The following NRXN3 variants were observed in gnomAD, a reference collection of about 807,000 sequenced individuals.
NRXN3 encodes neurexin III.
Under a neutral mutation model 137.6 loss-of-function variants are expected in NRXN3, and 32 were observed. The observed-to-expected ratio is 0.23, with a 90% CI of 0.18 to 0.31. The LOEUF is 0.31. Among genes scored for constraint, NRXN3 ranks in the 10% least tolerant of loss-of-function variants. The probability of loss-of-function intolerance (pLI) is 1.00; values close to 1 mark genes in which losing one functional copy is unlikely to be tolerated. For missense variants in NRXN3, 1,574 were observed against 2,062.5 expected, an observed-to-expected ratio of 0.76 and a Z score of 4.59; for synonymous variants, 798 against 784.5, an observed-to-expected ratio of 1.02 and a Z score of -0.29.
chr14:78,949,255 C>A (rs923619963), intron 10 of NRXN3, among the ~76,000 whole-genome samples: 1 of 152,172 alleles, frequency 6.6e-6, no homozygotes, highest in African/African-American at 2.4e-5. Context: ...CCCCTCTACC[C>A]TCCATAAATT....
At chr14:79,184,056 A>G (rs2063242179) in intron 15 of NRXN3, among the ~76,000 whole-genome samples, 1 of 152,208 alleles carries the variant, frequency 6.6e-6, no homozygotes. Context: ...CTAGAGCTCT[A>G]ACAACCTACC....
chr14:78,635,134 A>G (rs1397922500), intron 4 of NRXN3, among the ~76,000 whole-genome samples: 1 of 152,202 alleles, frequency 6.6e-6, no homozygotes, highest in Non-Finnish European at 1.5e-5. Context: ...TTTACCAAAA[A>G]TATAATCTAA....
intron 15 of NRXN3, among the ~76,000 whole-genome samples, chr14:79,306,937 A>T (rs893355273): frequency 2.6e-5 from 4 of 152,084 alleles, no homozygotes; most frequent in Non-Finnish European, 4.4e-5. Context: ...AGATAGGGTG[A>T]ACCTTTTTTC....
chr14:78,292,358 A>G (rs183406218), intron 3 of NRXN3, among the ~76,000 whole-genome samples: 2 of 152,300 alleles, frequency 1.3e-5, no homozygotes, highest in East Asian at 1.9e-4. Flanking sequence ...TTCTAAGGCA[A>G]TTTCAACTTT....
rs560222903 is a variant in NRXN3 at position 79,831,007 on chromosome 14, G to T, written c.4093+25817G>T. ...AAGTTGACAGATAAACCTTTAGGAG[G>T]TTCCAGTTCATTTCAGGAACGTGTT... On this transcript the variant is annotated intron_variant, in intron 20 of 20. Transcript: ENST00000335750. 5.3e-5 allele frequency among the ~76,000 whole-genome samples: 8 copies of T among 152,250 alleles called. No individual in the cohort carries two copies. The East Asian group carries it at 1.6e-3, about 30-fold the overall frequency.
intron 15 of NRXN3, among the ~76,000 whole-genome samples, chr14:79,288,632 C>T (rs2082669637): frequency 6.6e-6 from 1 of 152,286 alleles, no homozygotes; most frequent in Middle Eastern, 3.4e-3. Context: ...GACCAGAAAA[C>T]TCTTGGTCTT....
At chr14:79,407,247 G>GTGTGTT (rs2095332384) in intron 15 of NRXN3, among the ~76,000 whole-genome samples, 1 of 152,072 alleles carries the variant, frequency 6.6e-6, no homozygotes, top group African/African-American at 2.4e-5. Context: ...ACTTTCATGT[G>GTGTGTT]TGTGTTTTCT....
At chr14:78,586,531 A>G (rs2097064408) in intron 4 of NRXN3, among the ~76,000 whole-genome samples, 1 of 152,192 alleles carries the variant, frequency 6.6e-6, no homozygotes, top group African/African-American at 2.4e-5. Context: ...TATTCAGTAA[A>G]TGCTCTTACA....
At chr14:79,236,625 G>T (rs750603762) in intron 15 of NRXN3, among the ~76,000 whole-genome samples, 1 of 152,034 alleles carries the variant, frequency 6.6e-6, no homozygotes, top group Non-Finnish European at 1.5e-5. Flanking sequence ...AAGTGTGTTA[G>T]ATCTGGCCAG....
chr14:79,045,346 C>A (rs532906316), intron 15 of NRXN3, among the ~76,000 whole-genome samples: 1 of 152,296 alleles, frequency 6.6e-6, no homozygotes, highest in South Asian at 2.1e-4. Context: ...GAAGGCCAAT[C>A]CTGATCCTAG....
chr14:79,810,950 G>T (rs561523843), intron 20 of NRXN3, among the ~76,000 whole-genome samples: 3 of 152,234 alleles, frequency 2.0e-5, no homozygotes, highest in African/African-American at 7.2e-5. Context: ...ATAGAGATAC[G>T]TTTTGTCATT....
intron 16 of NRXN3, among the ~76,000 whole-genome samples, chr14:79,545,379 G>A (rs368281848): frequency 1.8e-4 from 27 of 152,194 alleles, no homozygotes; most frequent in African/African-American, 5.8e-4. Flanking sequence ...TATAAATGCA[G>A]ATGTTGTTTT....
chr14:78,442,576 G>C (rs369645744), intron 4 of NRXN3, among the ~76,000 whole-genome samples: 1 of 152,174 alleles, frequency 6.6e-6, no homozygotes, highest in African/African-American at 2.4e-5. Context: ...GGAAAGAAAG[G>C]GTTCTCCTTC....
intron 1 of NRXN3, among the ~76,000 whole-genome samples, chr14:78,202,631 G>A (rs1389460551): frequency 2.0e-5 from 3 of 152,148 alleles, no homozygotes; most frequent in African/African-American, 7.2e-5. Context: ...TGTTGGCCAG[G>A]TGGGCTAAAC....
chr14:78,514,617 C>A (rs1484681564), intron 4 of NRXN3, among the ~76,000 whole-genome samples: 1 of 152,036 alleles, frequency 6.6e-6, no homozygotes, highest in Non-Finnish European at 1.5e-5. Flanking sequence ...CTTCTACATC[C>A]CAGAGATACA....
At chr14:78,349,604 T>C (rs186544043) in intron 4 of NRXN3, among the ~76,000 whole-genome samples, 3 of 152,240 alleles carry the variant, frequency 2.0e-5, no homozygotes, top group Admixed American at 1.3e-4. Context: ...GGTCTAGTTA[T>C]AGGCTTTCAG....
chr14:78,313,661 A>G (rs2078239865), intron 4 of NRXN3, among the ~76,000 whole-genome samples: 1 of 152,086 alleles, frequency 6.6e-6, no homozygotes, highest in Non-Finnish European at 1.5e-5. Flanking sequence ...GCCTGAGGTG[A>G]CACTACTATA....
chr14:78,271,875 A>G (rs527804003), intron 2 of NRXN3, among the ~76,000 whole-genome samples: 3 of 152,148 alleles, frequency 2.0e-5, no homozygotes, highest in African/African-American at 7.2e-5. Flanking sequence ...TATGGAGACA[A>G]CTCTTCCTGT....
chr14:78,584,831 A>G (rs113789621), intron 4 of NRXN3, among the ~76,000 whole-genome samples: 4 of 152,220 alleles, frequency 2.6e-5, no homozygotes, highest in Admixed American at 2.0e-4. Flanking sequence ...TCAGCAAGTC[A>G]CTCTACCTCT....
Sources: allele counts gnomAD v4.1 joint callset (sites outside exome capture counted in the v4.1 genomes callset), GRCh38; gene constraint gnomAD v4.1.1; transcripts MANE v1.5; gene names NCBI Gene and HGNC (gene_info 2026-07-23, HGNC 2026-07-21).